The following SPATA31H1 variants were observed in gnomAD, a reference collection of about 807,000 sequenced individuals.
The protein encoded by SPATA31H1 is spermatogenesis-associated protein 31H1.
chr2:27,553,906 G>GA, the SPATA31H1 span, among the ~76,000 whole-genome samples: 3 of 151,406 alleles, frequency 2.0e-5, 1 homozygote, highest in African/African-American at 7.3e-5. Flanking sequence ...TGGGCAACAA[G>GA]AAAAAAACTC....
At chr2:27,549,014 C>A in the SPATA31H1 span, among the ~76,000 whole-genome samples, 1 of 138,200 alleles carries the variant, frequency 7.2e-6, no homozygotes, top group African/African-American at 2.8e-5. Context: ...GCGGAAGTTG[C>A]ATGAGCTGAG....
chr2:27,542,046 T>C, the SPATA31H1 span, among the ~76,000 whole-genome samples: 28 of 152,046 alleles, frequency 1.8e-4, no homozygotes, highest in Non-Finnish European at 3.5e-4. Context: ...GTGCTGGGAC[T>C]ACAGGCATGA....
the SPATA31H1 span, among the ~76,000 whole-genome samples, chr2:27,553,570 T>C: frequency 1.3e-5 from 2 of 152,100 alleles, no homozygotes; most frequent in Admixed American, 6.5e-5. Flanking sequence ...AGTCAATTCT[T>C]CTCTCATTTT....
chr2:27,540,535 C>T, the SPATA31H1 span, among the ~76,000 whole-genome samples: 37 of 138,496 alleles, frequency 2.7e-4, 2 homozygotes, highest in East Asian at 7.1e-4. Context: ...TGACCCCCCC[C>T]CCACCTCCCT....
the SPATA31H1 span, among the ~76,000 whole-genome samples, chr2:27,551,267 T>C: frequency 6.6e-6 from 1 of 152,002 alleles, no homozygotes. Flanking sequence ...ATGAAAGAGA[T>C]TGGCTTATGA....
the SPATA31H1 span, chr2:27,572,836 C>T: frequency 1.2e-3 from 483 of 395,354 alleles, 7 homozygotes; most frequent in African/African-American, 8.8e-3. Flanking sequence ...CAAAGTGTAA[C>T]ATCTATGGAG....
the SPATA31H1 span, among the ~76,000 whole-genome samples, chr2:27,548,082 C>T: frequency 2.0e-5 from 3 of 148,436 alleles, no homozygotes; most frequent in Middle Eastern, 3.4e-3. Flanking sequence ...CCTGGGTTCA[C>T]GCCATTCTCC....
At chr2:27,580,201 G>A in the SPATA31H1 span, 1 of 1,614,168 alleles carries the variant, frequency 6.2e-7, no homozygotes, top group South Asian at 1.1e-5. Flanking sequence ...GCTTCCAAGA[G>A]TCCTACTTCC....
At chr2:27,578,010 G>GGATT in the SPATA31H1 span, 1 of 1,614,120 alleles carries the variant, frequency 6.2e-7, no homozygotes. Context: ...GATTAGTCCA[G>GGATT]AGCCACTAGA....
At chr2:27,578,021 T>G in the SPATA31H1 span, 1 of 1,614,072 alleles carries the variant, frequency 6.2e-7, no homozygotes, top group Non-Finnish European at 8.5e-7. Flanking sequence ...AGCCACTAGA[T>G]CAAGTCACAG....
the SPATA31H1 span, among the ~76,000 whole-genome samples, chr2:27,543,699 G>A: frequency 1.3e-5 from 2 of 151,836 alleles, no homozygotes; most frequent in Non-Finnish European, 2.9e-5. Flanking sequence ...GCCATCTGAA[G>A]GCAAAAAGTG....
the SPATA31H1 span, among the ~76,000 whole-genome samples, chr2:27,552,702 TA>T: frequency 7.2e-5 from 11 of 152,050 alleles, no homozygotes; most frequent in Admixed American, 3.3e-4. Context: ...TAATATTAAA[TA>T]TTCCAATCCA....
At chr2:27,573,001 C>T in the SPATA31H1 span, 23 of 388,032 alleles carry the variant, frequency 5.9e-5, no homozygotes, top group African/African-American at 4.0e-4. Flanking sequence ...CTTGGAAATG[C>T]GAAATCTGTG....
At chr2:27,556,560 C>A in the SPATA31H1 span, among the ~76,000 whole-genome samples, 1 of 151,266 alleles carries the variant, frequency 6.6e-6, no homozygotes, top group African/African-American at 2.4e-5. Context: ...CTAATCTGTA[C>A]CCCTTACTGA....
chr2:27,545,025 ATT>A, the SPATA31H1 span, among the ~76,000 whole-genome samples: 136 of 146,782 alleles, frequency 9.3e-4, no homozygotes, highest in East Asian at 1.0e-2. Flanking sequence ...AAAAAGTCAA[ATT>A]TTTTTTTTTT....
the SPATA31H1 span, among the ~76,000 whole-genome samples, chr2:27,546,246 TC>T: frequency 6.6e-6 from 1 of 151,982 alleles, no homozygotes; most frequent in South Asian, 2.1e-4. Flanking sequence ...CCTACCCCTA[TC>T]CCCAGTGCAA....
chr2:27,565,555 T>C, the SPATA31H1 span: 2 of 616,474 alleles, frequency 3.2e-6, no homozygotes. Flanking sequence ...TATGTATGTA[T>C]ACGGCTCCAT....
At chr2:27,580,019 G>T in the SPATA31H1 span, 1 of 1,614,112 alleles carries the variant, frequency 6.2e-7, no homozygotes, top group Non-Finnish European at 8.5e-7. Context: ...TCTATCCACA[G>T]CTCCACCTTG....
chr2:27,550,411 ATTTTTTTTTTTT>A, the SPATA31H1 span, among the ~76,000 whole-genome samples: 2 of 94,562 alleles, frequency 2.1e-5, no homozygotes, highest in East Asian at 5.7e-4. Context: ...TGGGTGTTAA[ATTTTTTTTTTTT>A]TTTTTTTTTT....
Sources: gnomAD v4.1 joint callset for allele counts (sites outside exome capture counted in the v4.1 genomes callset) on GRCh38, gnomAD v4.1.1 for gene constraint, MANE v1.5 for transcripts, NCBI Gene and HGNC (gene_info 2026-07-23, HGNC 2026-07-21) for gene names.